The following POLG variants were observed in gnomAD, a reference collection of about 807,000 sequenced individuals.
POLG encodes DNA polymerase subunit gamma-1.
A neutral mutation model predicts 155.4 loss-of-function variants in POLG; 110 were observed. That is an observed-to-expected ratio of 0.71 (90% confidence interval 0.61 to 0.83). The LOEUF is 0.83. Ranked by LOEUF, POLG falls within the 40% of genes least tolerant of loss-of-function variation. The pLI is 0.00. For missense variants in POLG, 1,685 were observed against 1,627.5 expected (o/e 1.04, Z -0.61); for synonymous variants, 701 against 631.5 (o/e 1.11, Z -1.65).
chr15:89,319,557 A>T, intron 18 of POLG: 1 of 679,408 alleles, frequency 1.5e-6, no homozygotes. Flanking sequence ...GATGCAGCCC[A>T]GGCTTTTGTA....
chr15:89,326,573 TAG>T, intron 9 of POLG, 37 bp downstream of exon 9: 1 of 1,609,164 alleles, frequency 6.2e-7, no homozygotes, highest in South Asian at 1.1e-5. Flanking sequence ...GGAGCAAGGG[TAG>T]ACTCTAGATA....
Position 89,322,746 on chromosome 15 carries a change from T to TA in POLG, c.2421dup (p.Ile808TyrfsTer25). ...ACTCCTCCCATGGTGGCCCACCTGA[T>TA]ACGTTTATGGGCGTTCCTCCAGAAA... On this transcript the variant is annotated frameshift_variant, in exon 14 of 23. Coordinates refer to ENST00000268124, the MANE Select transcript of POLG (RefSeq NM_002693.3). LOFTEE classifies it high-confidence loss of function. 2 of 1,613,942 alleles carry TA rather than the reference T, an allele frequency of 1.2e-6. No individual in the cohort carries two copies. The highest frequency in any genetic ancestry group is 1.7e-6 in the Non-Finnish European group (2 of 1,179,934).
At chr15:89,327,100 AGCCGAAGGCTAG>A (rs1385734409) in intron 7 of POLG, 37 bp from the exon 8 acceptor site, 33 of 1,614,186 alleles carry the variant, frequency 2.0e-5, no homozygotes, top group African/African-American at 2.7e-5. Flanking sequence ...GCTAAGGCTA[AGCCGAAGGCTAG>A]GCCGCCCACC....
In POLG at chr15:89,322,715, C is replaced by T. The variant is rs72762657; in HGVS notation, c.2426+27G>A. On this transcript the variant is annotated intron_variant, in intron 14 of 22. Coordinates refer to ENST00000268124, the MANE Select transcript of POLG (RefSeq NM_002693.3). ...GGGTGGGAAGAGAGGGGAAAGGCAT[C>T]CCAGGACTCCTCCCATGGTGGCCCA... 3,512 of 1,611,472 alleles carry T rather than the reference C, an allele frequency of 2.2e-3. 7 individuals carry two copies. Among genetic ancestry groups the T allele is most frequent in the Middle Eastern group, 5.8e-3 (34 of 5,886 alleles).
At chr15:89,318,503 A>G in intron 21 of POLG, 38 bp downstream of exon 21, 1 of 1,568,886 alleles carries the variant, frequency 6.4e-7, no homozygotes, top group Admixed American at 1.7e-5. Context: ...CCCACATAGG[A>G]GCACATGGCC....
Position 89,318,626 on chromosome 15 carries a change from T to C in POLG, c.3397A>G (p.Ile1133Val). 1 of 1,614,204 alleles carries C rather than the reference T, an allele frequency of 6.2e-7. No individual in the cohort carries two copies. Among genetic ancestry groups the C allele is most frequent in the Non-Finnish European group, 8.5e-7 (1 of 1,180,018 alleles). Residue 1133 changes from isoleucine to valine, a missense_variant, in exon 21 of 23, where the codon ATC (isoleucine) becomes GTC (valine). Around this residue, in one of 3 missense-constraint regions of POLG, gnomAD observed 470 missense variants for 439.9 expected, o/e 1.07. Transcript: ENST00000268124. The stretch of plus-strand genomic sequence containing the variant: ...ACCAGGTAGCGAACCTCGTCATGGA[T>C]GCTGATGCAGAAGCGCCCATCTATG... ...FAIDGRFCISIHDEVRYLVRE... is the reference protein window; with the variant it reads ...FAIDGRFCISVHDEVRYLVRE...
intron 10 of POLG, among the ~76,000 whole-genome samples, chr15:89,325,171 A>AGAGTGAGTGAGTGAGTGAGTGAGTGAGT: frequency 3.4e-5 from 2 of 58,608 alleles, no homozygotes; most frequent in East Asian, 1.2e-3. Flanking sequence ...AGTGAGTGAG[A>AGAGTGAGTGAGTGAGTGAGTGAGTGAGT]GAGTGAGAGA....
chr15:89,318,364 G>A (rs1567184864), intron 21 of POLG, among the ~76,000 whole-genome samples, 177 bp downstream of exon 21: 1 of 152,044 alleles, frequency 6.6e-6, no homozygotes, highest in Non-Finnish European at 1.5e-5. Context: ...TACGAATTGA[G>A]GCTAGTCTTT....
At position 89,325,135 on chromosome 15, in the gene POLG, TGAGTGAGA is replaced by T. The variant is rs1278203437; in HGVS notation, c.1949+307_1949+314del. Among the ~76,000 whole-genome samples, 102 of 30,536 alleles carry T rather than the reference TGAGTGAGA, an allele frequency of 3.3e-3. 14 individuals carry two copies. Among genetic ancestry groups the T allele is most frequent in the Admixed American group, 4.3e-3 (10 of 2,348 alleles). The allele number at this position is 30,536 out of a possible 152,430, so 20.0% of individuals were successfully genotyped here. ...GAGAGTGAGTGAGTGAGTGAGAGAG[TGAGTGAGA>T]GAGTGAGTGAGTGAGTGAGTGAGTG... On this transcript the variant is annotated intron_variant, in intron 10 of 22. Coordinates refer to ENST00000268124, the MANE Select transcript of POLG (RefSeq NM_002693.3).
rs1476573862 is a variant in POLG at position 89,321,023 on chromosome 15, A to G, written c.2735-11T>C. The stretch of plus-strand genomic sequence containing the variant: ...CAAAGGCTGTGCAGCCTGGAAGACA[A>G]GCAGGAGTGAGAAAAGCAGCTCAGG... On this transcript the variant is annotated splice_polypyrimidine_tract_variant and intron_variant, in intron 17 of 22. Transcript: ENST00000268124. 6.2e-7 allele frequency: 1 copy of G among 1,614,178 alleles called. No homozygotes were observed. Among genetic ancestry groups the G allele is most frequent in the African/African-American group, 1.3e-5 (1 of 75,066 alleles).
intron 18 of POLG, 128 bp from the exon 19 acceptor site, chr15:89,319,478 C>T: frequency 1.5e-6 from 2 of 1,291,906 alleles, no homozygotes; most frequent in Non-Finnish European, 2.2e-6. Flanking sequence ...CCCCTAAAGG[C>T]TTTTATTCAG....
At position 89,316,374 on chromosome 15, in the gene POLG, G is replaced by A; in HGVS notation, c.*377C>T. 6.2e-7 allele frequency: 1 copy of A among 1,605,604 alleles called. No individual in the cohort carries two copies. The highest frequency in any genetic ancestry group is 1.1e-5 in the South Asian group (1 of 89,778). ...CTTGGAGCAGGTTTATCACGTTAGA[G>A]CATTAATTCTTTCCCCTTCTAGGGC... On this transcript the variant is annotated 3_prime_UTR_variant, in exon 23 of 23. Coordinates refer to ENST00000268124, the MANE Select transcript of POLG (RefSeq NM_002693.3).
Position 89,316,722 on chromosome 15 carries a change from G to A in POLG, c.*29C>T, listed in dbSNP as rs548231903. 1.6e-5 allele frequency: 25 copies of A among 1,575,036 alleles called. No individual in the cohort carries two copies. In the South Asian group the frequency reaches 2.4e-4, roughly 15 times the overall value. ...CTGCACCACCCCGATGAAGCTCCAC[G>A]GGAGCAAATACAGAGCCTCCAGGCA... On this transcript the variant is annotated 3_prime_UTR_variant, in exon 23 of 23. Coordinates refer to ENST00000268124, the MANE Select transcript of POLG (RefSeq NM_002693.3).
chr15:89,318,672 C>T lies in POLG; in HGVS notation c.3351G>A (p.Lys1117=), dbSNP rs1248663168. The T allele has an allele frequency of 3.1e-6, 5 of 1,614,130 alleles. No individual in the cohort carries two copies. Among genetic ancestry groups the T allele is most frequent in the Non-Finnish European group, 8.5e-7 (1 of 1,180,048 alleles). ...DYLHLMLVAM[K]WLFEEFAIDG... ...CTATGGCAAACTCTTCAAACAGCCACTTCATGGCCACAAGCATGAGGTGTA... is the reference window on the plus strand; with the variant it reads ...CTATGGCAAACTCTTCAAACAGCCATTTCATGGCCACAAGCATGAGGTGTA... Residue 1117 remains lysine, a synonymous_variant, in exon 21 of 23, where the codon AAG becomes AAA. Coordinates refer to ENST00000268124, the MANE Select transcript of POLG (RefSeq NM_002693.3).
In POLG at chr15:89,316,817, C is replaced by T. The variant is rs752513968; in HGVS notation, c.3654G>A (p.Leu1218=). ...RRYGIPQGEA[L]DIYQIIELTK... ...TGAGTTCAATTATCTGGTAAATATCCAGCGCTTCACCTGAAAGATAGTGCA... is the reference window on the plus strand; with the variant it reads ...TGAGTTCAATTATCTGGTAAATATCTAGCGCTTCACCTGAAAGATAGTGCA... Residue 1218 remains leucine, a synonymous_variant, in exon 23 of 23, where the codon CTG becomes CTA. Transcript: ENST00000268124. The T allele has an allele frequency of 1.9e-6, 3 of 1,613,434 alleles. No individual in the cohort carries two copies. The highest frequency in any genetic ancestry group is 8.5e-7 in the Non-Finnish European group (1 of 1,179,424).
In POLG at chr15:89,317,493, A is replaced by G. The variant is rs763205408; in HGVS notation, c.3526T>C (p.Ser1176Pro). 7.4e-6 allele frequency: 12 copies of G among 1,614,036 alleles called. No homozygotes were observed. The highest frequency in any genetic ancestry group is 2.7e-5 in the African/African-American group (2 of 74,900). Residue 1176 changes from serine to proline, a missense_variant, in exon 22 of 23, where the codon TCA (serine) becomes CCA (proline). Physicochemically the swap from Ser to Pro is moderately conservative, Grantham distance 74. Around this residue, in one of 3 missense-constraint regions of POLG, gnomAD observed 470 missense variants for 439.9 expected, o/e 1.07. Transcript: ENST00000268124. ...TCGACTGCACTGAAAAAGGCGACTG[A>G]CTGGGGCAAGTCATTCAGACCCAGC... is the stretch of plus-strand genomic sequence containing the variant. The part of the protein sequence containing the change: ...YKLGLNDLPQ[S>P]VAFFSAVDID...
rs566373471 is a variant in POLG at position 89,318,555 on chromosome 15, G to A, written c.3468C>T (p.Thr1156=). Residue 1156 remains threonine (T), a synonymous_variant, in exon 21 of 23, where the codon ACC becomes ACT. Transcript: ENST00000268124. ...RYRAALALQI[T]NLLTRCMFAY... ...GCCCCGCATACCTGGTCAAGAGGTTGGTGATCTGCAAGGCCAGGGCAGCGC... is the reference window on the plus strand; with the variant it reads ...GCCCCGCATACCTGGTCAAGAGGTTAGTGATCTGCAAGGCCAGGGCAGCGC... 1.2e-6 allele frequency: 2 copies of A among 1,613,394 alleles called. No individual in the cohort carries two copies. Among genetic ancestry groups the A allele is most frequent in the African/African-American group, 2.7e-5 (2 of 75,044 alleles).
chr15:89,323,044 C>A, intron 13 of POLG, 142 bp from the exon 14 acceptor site: 1 of 678,816 alleles, frequency 1.5e-6, no homozygotes, highest in Non-Finnish European at 2.3e-6. Context: ...ATCACGCACG[C>A]GCGCACGCGC....
chr15:89,321,040 C>T (rs749335780), intron 17 of POLG, 28 bp from the exon 18 acceptor site: 11 of 1,614,134 alleles, frequency 6.8e-6, no homozygotes, highest in Non-Finnish European at 9.3e-6. Flanking sequence ...GTGAGAAAAG[C>T]AGCTCAGGAA....
Sources: allele counts gnomAD v4.1 joint callset (sites outside exome capture counted in the v4.1 genomes callset), GRCh38; gene constraint gnomAD v4.1.1; regional missense constraint gnomAD v4.1.1; transcripts MANE v1.5; gene names NCBI Gene and HGNC (gene_info 2026-07-23, HGNC 2026-07-21).